Variants in FCHSD2 observed in about 807,000 individuals in gnomAD.
FCHSD2 encodes the protein FCH and double SH3 domains 2.
FCHSD2 carries 38 observed loss-of-function variants against 108.1 expected under a neutral mutation model. That is an observed-to-expected ratio of 0.35 (90% CI 0.27 to 0.46). The LOEUF (loss-of-function observed/expected upper bound fraction) is 0.46, where lower values mean the gene tolerates loss of function less well. Ranked by LOEUF, FCHSD2 falls within the 20% of genes least tolerant of loss-of-function variation. The probability of loss-of-function intolerance (pLI) is 1.00; values close to 1 mark genes in which losing one functional copy is unlikely to be tolerated. For synonymous variants in FCHSD2, 279 were observed against 314.7 expected (o/e 0.89, Z 1.20); for missense variants, 751 against 897.8 (o/e 0.84, Z 2.09).
intron 11 of FCHSD2, among the ~76,000 whole-genome samples, chr11:72,888,955 CTTTCTTT>C (rs751796734): frequency 1.8e-3 from 262 of 148,844 alleles, no homozygotes; most frequent in Non-Finnish European, 2.3e-3. Context: ...ATAATTGTGT[CTTTCTTT>C]TTTCTTTTTA....
chr11:73,141,883 T>C lies in FCHSD2; in HGVS notation c.-6A>G. Reference sequence around the variant, plus strand: ...TTCCTCGGCGGCGGCTGCATGATGCTGAAGGGACATCAATCCTCCCCGACG... The same window carrying C: ...TTCCTCGGCGGCGGCTGCATGATGCCGAAGGGACATCAATCCTCCCCGACG... On this transcript the variant is annotated 5_prime_UTR_variant, in exon 1 of 20. Transcript: ENST00000409418. 7.8e-6 allele frequency: 12 copies of C among 1,544,770 alleles called. No individual in the cohort carries two copies. The highest frequency in any genetic ancestry group is 1.0e-5 in the Non-Finnish European group (12 of 1,145,906).
chr11:72,996,916 T>C (rs1169862773), intron 5 of FCHSD2, among the ~76,000 whole-genome samples: 1 of 152,196 alleles, frequency 6.6e-6, no homozygotes. Flanking sequence ...TTAGGGCATT[T>C]GTTGAATCAT....
chr11:73,021,935 G>C (rs1438954124), intron 3 of FCHSD2, among the ~76,000 whole-genome samples: 1 of 151,868 alleles, frequency 6.6e-6, no homozygotes, highest in Non-Finnish European at 1.5e-5. Flanking sequence ...TTCCAGGCCT[G>C]GTGGTGCACA....
At chr11:73,068,989 T>G (rs749310257) in intron 3 of FCHSD2, among the ~76,000 whole-genome samples, 2 of 150,640 alleles carry the variant, frequency 1.3e-5, no homozygotes, top group Non-Finnish European at 3.0e-5. Context: ...CACTCTAGCC[T>G]GATGACAGAG....
At chr11:73,094,979 T>G (rs1860042699) in intron 2 of FCHSD2, among the ~76,000 whole-genome samples, 1 of 152,192 alleles carries the variant, frequency 6.6e-6, no homozygotes, top group Non-Finnish European at 1.5e-5. Flanking sequence ...CCATTGAATA[T>G]CTTCTGGATT....
chr11:72,921,309 T>G lies in FCHSD2; in HGVS notation c.828+519A>C, dbSNP rs114054917. 8.0e-3 allele frequency among the ~76,000 whole-genome samples: 1,216 copies of G among 152,332 alleles called. 10 individuals carry two copies. The highest frequency in any genetic ancestry group is 0.028 in the African/African-American group (1,157 of 41,568). ...GCATTTATTTTCTCTGCATACAATG[T>G]GACATGTCAGCAAACCTGATGGATC... On this transcript the variant is annotated intron_variant, in intron 9 of 19. Transcript: ENST00000409418.
At chr11:72,998,862 C>T (rs1035440480) in intron 5 of FCHSD2, among the ~76,000 whole-genome samples, 4 of 152,164 alleles carry the variant, frequency 2.6e-5, no homozygotes, top group Non-Finnish European at 5.9e-5. Context: ...CCCTTGTGCA[C>T]TGTTGGTGGG....
intron 12 of FCHSD2, among the ~76,000 whole-genome samples, chr11:72,883,330 T>C (rs1855128043): frequency 6.6e-6 from 1 of 152,054 alleles, no homozygotes; most frequent in African/African-American, 2.4e-5. Context: ...ATTAATCTCA[T>C]CAAAATTAAA....
chr11:72,841,101 A>C, intron 18 of FCHSD2, 142 bp from the exon 19 acceptor site: 1 of 673,832 alleles, frequency 1.5e-6, no homozygotes, highest in Admixed American at 2.1e-5. Context: ...CCAGAAGTTC[A>C]AGGCTGCAGT....
chr11:73,124,510 C>G (rs1860808423), intron 2 of FCHSD2, among the ~76,000 whole-genome samples: 1 of 152,172 alleles, frequency 6.6e-6, no homozygotes, highest in Non-Finnish European at 1.5e-5. Flanking sequence ...AATCCCAGCA[C>G]TTTGGGAGGC....
chr11:72,999,583 G>A (rs989558975), intron 5 of FCHSD2, among the ~76,000 whole-genome samples: 3 of 152,072 alleles, frequency 2.0e-5, no homozygotes, highest in African/African-American at 7.2e-5. Context: ...GCCATCCAAA[G>A]TGCTGGGATT....
At chr11:72,925,365 A>G (rs1029659792) in intron 8 of FCHSD2, among the ~76,000 whole-genome samples, 1 of 152,178 alleles carries the variant, frequency 6.6e-6, no homozygotes. Context: ...CTTAAATCCT[A>G]CTTTAAAAAT....
At chr11:72,941,194 A>T (rs1856410765) in intron 8 of FCHSD2, 1 of 312,128 alleles carries the variant, frequency 3.2e-6, no homozygotes, top group Non-Finnish European at 6.0e-6. Flanking sequence ...TAATATTTTT[A>T]TTCTCCTTCA....
intron 8 of FCHSD2, among the ~76,000 whole-genome samples, chr11:72,962,006 T>C (rs1399959259): frequency 6.6e-6 from 1 of 152,234 alleles, no homozygotes; most frequent in Non-Finnish European, 1.5e-5. Context: ...TTAATAAGCA[T>C]TGTTATTGAA....
In FCHSD2 at chr11:73,108,875, T is replaced by C. The variant is rs7108924; in HGVS notation, c.120-25135A>G. On this transcript the variant is annotated intron_variant, in intron 2 of 19. Coordinates refer to ENST00000409418, the MANE Select transcript of FCHSD2 (RefSeq NM_014824.3). ...CGTGAGCCACCGCGCCCAGCCTAGATTTAAGTTTTTAACACAATTTGATTT... is the reference window on the plus strand; with the variant it reads ...CGTGAGCCACCGCGCCCAGCCTAGACTTAAGTTTTTAACACAATTTGATTT... 8.7e-3 allele frequency among the ~76,000 whole-genome samples: 1,326 copies of C among 152,332 alleles called. 26 individuals carry two copies. The highest frequency in any genetic ancestry group is 0.031 in the African/African-American group (1,270 of 41,576).
intron 14 of FCHSD2, among the ~76,000 whole-genome samples, chr11:72,846,051 A>G (rs75287045): frequency 0.012 from 1,377 of 111,854 alleles, 21 homozygotes; most frequent in African/African-American, 0.047. Flanking sequence ...ATTACAAATA[A>G]ATAGATAGAT....
Position 72,843,338 on chromosome 11 carries a change from A to C in FCHSD2, c.1528-10T>G. On this transcript the variant is annotated splice_polypyrimidine_tract_variant and intron_variant, in intron 15 of 19. Transcript: ENST00000409418. ...CAACTTTATTTCGAGCCTGGGTAAA[A>C]GACATGTGACAAAACAAGTTTACAC... 6.2e-7 allele frequency: 1 copy of C among 1,610,290 alleles called. No homozygotes were observed. The highest frequency in any genetic ancestry group is 8.5e-7 in the Non-Finnish European group (1 of 1,177,390).
intron 4 of FCHSD2, among the ~76,000 whole-genome samples, chr11:73,005,958 G>T (rs1384662010): frequency 6.7e-6 from 1 of 149,726 alleles, no homozygotes; most frequent in Non-Finnish European, 1.5e-5. Flanking sequence ...GCTCAGGCTG[G>T]AGTGCATGGC....
chr11:73,141,926 C>T lies in FCHSD2; in HGVS notation c.-49G>A. ...CCCCGACGGCAGCGTTAGCAAGGAC[C>T]AGGAGGAGGAGGAGGGCCGGAGAGG... On this transcript the variant is annotated 5_prime_UTR_variant, in exon 1 of 20. Coordinates refer to ENST00000409418, the MANE Select transcript of FCHSD2 (RefSeq NM_014824.3). The T allele has an allele frequency of 6.6e-7, 1 of 1,524,394 alleles. No homozygotes were observed. The highest frequency in any genetic ancestry group is 2.5e-5 in the East Asian group (1 of 40,030). 94.4% of individuals were successfully genotyped at this position (1,524,394 alleles called of 1,614,324 possible).
Sources: gnomAD v4.1 joint callset for allele counts (sites outside exome capture counted in the v4.1 genomes callset) on GRCh38, gnomAD v4.1.1 for gene constraint, MANE v1.5 for transcripts, NCBI Gene and HGNC (gene_info 2026-07-23, HGNC 2026-07-21) for gene names.